Variants in HIBADH observed in about 807,000 individuals in gnomAD.
HIBADH encodes the protein 3-hydroxyisobutyrate dehydrogenase.
HIBADH carries 25 observed loss-of-function variants against 36.1 expected under a neutral mutation model. The ratio of observed to expected loss-of-function variants is 0.69; its 90% CI spans 0.50 to 0.97. The LOEUF (loss-of-function observed/expected upper bound fraction) is 0.97, where lower values mean the gene tolerates loss of function less well. HIBADH is among the 50% of genes least tolerant of loss of function. The pLI, the probability that HIBADH is intolerant of heterozygous loss-of-function variation, is 0.00. For missense variants in HIBADH, 421 were observed against 418.0 expected (o/e 1.01, Z -0.06); for synonymous variants, 160 against 149.5 (o/e 1.07, Z -0.51).
At chr7:27,648,434 T>C (rs1396043370) in intron 2 of HIBADH, among the ~76,000 whole-genome samples, 2 of 152,256 alleles carry the variant, frequency 1.3e-5, no homozygotes, top group Non-Finnish European at 2.9e-5. Context: ...AGATATATAG[T>C]TCTGAAAATG....
chr7:27,556,039 AT>A (rs1403557002), intron 4 of HIBADH, among the ~76,000 whole-genome samples: 4 of 152,204 alleles, frequency 2.6e-5, no homozygotes, highest in Non-Finnish European at 5.9e-5. Context: ...TACAGAAAGG[AT>A]TTTAACTTAA....
At chr7:27,589,329 A>G (rs756774749) in intron 4 of HIBADH, among the ~76,000 whole-genome samples, 1 of 152,186 alleles carries the variant, frequency 6.6e-6, no homozygotes, top group African/African-American at 2.4e-5. Context: ...AAATCTTTAT[A>G]CATAAGTAGA....
At chr7:27,562,004 G>C (rs1356340860) in intron 4 of HIBADH, among the ~76,000 whole-genome samples, 6 of 152,042 alleles carry the variant, frequency 3.9e-5, no homozygotes, top group African/African-American at 1.2e-4. Context: ...TTATGTTTTA[G>C]GGGTGTGTGT....
chr7:27,604,032 C>G (rs139019061), intron 4 of HIBADH, among the ~76,000 whole-genome samples: 1 of 152,114 alleles, frequency 6.6e-6, no homozygotes, highest in African/African-American at 2.4e-5. Flanking sequence ...TCCTCCTCCA[C>G]TTAGACAGTA....
chr7:27,644,969 A>G (rs957194522), intron 2 of HIBADH, among the ~76,000 whole-genome samples: 8 of 152,106 alleles, frequency 5.3e-5, no homozygotes, highest in African/African-American at 1.9e-4. Context: ...AGGTTTATCA[A>G]TGTTGCAGCA....
At chr7:27,527,887 A>G (rs1029949347) in intron 7 of HIBADH, among the ~76,000 whole-genome samples, 1 of 121,850 alleles carries the variant, frequency 8.2e-6, no homozygotes. Context: ...AGCAGCTGGG[A>G]TTACAGGCAT....
At chr7:27,595,216 T>A (rs1196433255) in intron 4 of HIBADH, among the ~76,000 whole-genome samples, 2 of 151,728 alleles carry the variant, frequency 1.3e-5, no homozygotes, top group African/African-American at 4.9e-5. Flanking sequence ...ATATTCATAC[T>A]CATTAAAATG....
Position 27,662,702 on chromosome 7 carries a change from T to G in HIBADH, c.87A>C (p.Ala29=), listed in dbSNP as rs1786449062. The change falls in exon 1 of 8, where the codon GCA becomes GCC. Residue 29 remains alanine, a synonymous_variant. Transcript: ENST00000265395. ...GAGGAGGCGTGAGGTCCTTACCCGC[T>G]GCAAAGCTGCCGGCTGCCGGCCGCA... ...RRLRPAAGSF[A]AVCSRSVASK... The G allele has an allele frequency of 7.4e-7, 1 of 1,360,482 alleles. No individual in the cohort carries two copies. Among genetic ancestry groups the G allele is most frequent in the Non-Finnish European group, 9.5e-7 (1 of 1,049,936 alleles). 84.3% of individuals were successfully genotyped at this position (1,360,482 alleles called of 1,614,324 possible).
At position 27,624,454 on chromosome 7, in the gene HIBADH, A is replaced by G. The variant is rs1461893935; in HGVS notation, c.484+4917T>C. Reference sequence around the variant, plus strand: ...AAGCAACATTAAATACTTCTATATAATTATGGAAATATCAACTTTATTGGC... The same window carrying G: ...AAGCAACATTAAATACTTCTATATAGTTATGGAAATATCAACTTTATTGGC... On this transcript the variant is annotated intron_variant, in intron 4 of 7. Transcript: ENST00000265395. 2.6e-5 allele frequency among the ~76,000 whole-genome samples: 4 copies of G among 152,200 alleles called. No homozygotes were observed. In the East Asian group the frequency reaches 7.7e-4, roughly 29 times the overall value.
chr7:27,533,269 C>T (rs1478217777), intron 6 of HIBADH, among the ~76,000 whole-genome samples: 1 of 152,100 alleles, frequency 6.6e-6, no homozygotes, highest in African/African-American at 2.4e-5. Flanking sequence ...TAAAACCCTA[C>T]ATTTTTCTTG....
intron 6 of HIBADH, among the ~76,000 whole-genome samples, chr7:27,533,441 A>C (rs1375806629): frequency 6.6e-6 from 1 of 152,090 alleles, no homozygotes; most frequent in African/African-American, 2.4e-5. Flanking sequence ...GATTCCCTTC[A>C]GGAGATAGTT....
chr7:27,635,393 A>T (rs1785821757), intron 2 of HIBADH, among the ~76,000 whole-genome samples: 1 of 152,198 alleles, frequency 6.6e-6, no homozygotes, highest in South Asian at 2.1e-4. Flanking sequence ...TGGATCAGTG[A>T]AAGGAACACT....
chr7:27,556,987 A>T (rs1457858747), intron 4 of HIBADH, among the ~76,000 whole-genome samples: 1 of 152,140 alleles, frequency 6.6e-6, no homozygotes, highest in African/African-American at 2.4e-5. Context: ...AAAAATTTTT[A>T]AAATTAGCTG....
chr7:27,564,368 T>C (rs562034369), intron 4 of HIBADH, among the ~76,000 whole-genome samples: 18 of 152,356 alleles, frequency 1.2e-4, no homozygotes, highest in Non-Finnish European at 2.4e-4. Context: ...AGATGTGAGC[T>C]ATAGATCAAC....
At chr7:27,638,308 C>CAAAAAAAAAAAAAAAAAAAAAAAAAAAAA (rs368715218) in intron 2 of HIBADH, among the ~76,000 whole-genome samples, 6 of 55,472 alleles carry the variant, frequency 1.1e-4, no homozygotes, top group African/African-American at 4.5e-4. Flanking sequence ...TTGGCAAAGT[C>CAAAAAAAAAAAAAAAAAAAAAAAAAAAAA]AAAAAAAAAA....
intron 2 of HIBADH, among the ~76,000 whole-genome samples, chr7:27,646,000 G>A (rs1325420464): frequency 6.6e-6 from 1 of 151,962 alleles, no homozygotes; most frequent in Non-Finnish European, 1.5e-5. Flanking sequence ...TCATGCTCTT[G>A]GTGTCATATC....
chr7:27,547,040 T>C (rs984117372), intron 4 of HIBADH, among the ~76,000 whole-genome samples: 7 of 152,164 alleles, frequency 4.6e-5, no homozygotes, highest in Admixed American at 4.6e-4. Context: ...CTCCAAAGAC[T>C]TCCTAGCCCT....
Position 27,659,871 on chromosome 7 carries a change from G to T in HIBADH, c.91+2827C>A, listed in dbSNP as rs542179507. 2.8e-4 allele frequency among the ~76,000 whole-genome samples: 42 copies of T among 152,232 alleles called. 1 individual carries two copies. In the South Asian group the frequency reaches 8.7e-3, roughly 32 times the overall value. Reference sequence around the variant, plus strand: ...CCAGTAGTTCTAGACCAGCGTAGTAGGCAACTAGCCTTGTCTCAAAAAACA... The same window carrying T: ...CCAGTAGTTCTAGACCAGCGTAGTATGCAACTAGCCTTGTCTCAAAAAACA... On this transcript the variant is annotated intron_variant, in intron 1 of 7. Coordinates refer to ENST00000265395, the MANE Select transcript of HIBADH (RefSeq NM_152740.4).
intron 2 of HIBADH, among the ~76,000 whole-genome samples, chr7:27,637,779 T>G (rs1583612791): frequency 6.6e-6 from 1 of 151,772 alleles, no homozygotes; most frequent in East Asian, 1.9e-4. Context: ...TAACTAACAT[T>G]CCTATATACC....
Sources: gnomAD v4.1 joint callset for allele counts (sites outside exome capture counted in the v4.1 genomes callset) on GRCh38, gnomAD v4.1.1 for gene constraint, MANE v1.5 for transcripts, NCBI Gene and HGNC (gene_info 2026-07-23, HGNC 2026-07-21) for gene names.